The following IRAG1 variants were observed in gnomAD, a reference collection of about 807,000 sequenced individuals.
IRAG1 encodes inositol 1,4,5-triphosphate receptor associated 1, also known as IP3R-associated cGMP kinase substrate.
In IRAG1, 62 loss-of-function variants were observed where a neutral mutation model predicts 106.2. The ratio of observed to expected loss-of-function variants is 0.58; its 90% CI spans 0.48 to 0.72. The LOEUF is 0.72. Ranked by LOEUF, IRAG1 falls within the 30% of genes least tolerant of loss-of-function variation. IRAG1 has a pLI of 0.00. For synonymous variants in IRAG1, 462 were observed against 443.9 expected (o/e 1.04, Z -0.51); for missense variants, 1,064 against 1,140.7 (o/e 0.93, Z 0.97).
chr11:10,580,912 T>C (rs1851322517), intron 19 of IRAG1, among the ~76,000 whole-genome samples: 1 of 152,216 alleles, frequency 6.6e-6, no homozygotes, highest in African/African-American at 2.4e-5. Context: ...TTGTTCTCCA[T>C]GTGACCGTGG....
At chr11:10,645,738 G>A (rs1857887511) in intron 2 of IRAG1, among the ~76,000 whole-genome samples, 1 of 152,194 alleles carries the variant, frequency 6.6e-6, no homozygotes, top group Non-Finnish European at 1.5e-5. Flanking sequence ...AGTAATTAAA[G>A]TCAAGCTGCC....
rs1295870064 is a variant in IRAG1, at chr11:10,580,562, T to G, written c.2388A>C (p.Lys796Asn). 3 of 1,613,848 alleles carry G rather than the reference T, an allele frequency of 1.9e-6. No homozygotes were observed. The African/African-American group carries it at 4.0e-5, about 22-fold the overall frequency. The change falls in exon 20 of 21, where the codon AAA becomes AAC. Residue 796 changes from lysine to asparagine, a missense_variant. Coordinates refer to ENST00000423302, the MANE Select transcript of IRAG1 (RefSeq NM_130385.4). ...KGFQEGLKKT[K>N]ELQDLKEEEE... ...CCTCCTCCTTCAGGTCTTGAAGTTC[T>G]TTGGTCTTCTTTAGACCTTCTTGGA...
At chr11:10,677,531 C>T (rs930000210) in intron 1 of IRAG1, among the ~76,000 whole-genome samples, 1 of 152,146 alleles carries the variant, frequency 6.6e-6, no homozygotes, top group African/African-American at 2.4e-5. Context: ...CGTCCCCTCC[C>T]CTCAACCATA....
At chr11:10,586,403 A>G (rs1043425607) in intron 18 of IRAG1, among the ~76,000 whole-genome samples, 8 of 151,028 alleles carry the variant, frequency 5.3e-5, no homozygotes, top group Non-Finnish European at 7.4e-5. Flanking sequence ...CCTCTGGTTA[A>G]AGTTGATCTC....
intron 20 of IRAG1, among the ~76,000 whole-genome samples, chr11:10,579,601 A>G (rs561823354): frequency 2.3e-5 from 2 of 87,976 alleles, no homozygotes; most frequent in Non-Finnish European, 4.6e-5. Flanking sequence ...CATGGTTATT[A>G]TATCTGTGGG....
chr11:10,688,148 G>A (rs544263698), intron 1 of IRAG1, among the ~76,000 whole-genome samples: 11 of 151,862 alleles, frequency 7.2e-5, no homozygotes, highest in Admixed American at 3.9e-4. Flanking sequence ...ATTTTGGTAA[G>A]GGATACTGAA....
At chr11:10,687,642 C>A in intron 1 of IRAG1, 1 of 1,257,466 alleles carries the variant, frequency 8.0e-7, no homozygotes. Flanking sequence ...AAAGACTTCA[C>A]CAGACACAGA....
In IRAG1 at chr11:10,604,461, T is replaced by TCTCA; in HGVS notation, c.1686_1687insTGAG (p.Asn563Ter). The TCTCA allele has an allele frequency of 6.2e-7, 1 of 1,614,084 alleles. No individual in the cohort carries two copies. Among genetic ancestry groups the TCTCA allele is most frequent in the Non-Finnish European group, 8.5e-7 (1 of 1,179,904 alleles). ...TTCTCAGTGTTCTCCTCTGTCAGGT[T>TCTCA]GCGTTCCCTTTCAGCCTGGTTAATT... is the stretch of plus-strand genomic sequence containing the variant. On this transcript the variant is annotated stop_gained and frameshift_variant, in exon 13 of 21. Transcript: ENST00000423302. LOFTEE classifies it high-confidence loss of function.
chr11:10,681,952 G>A (rs1367205184), intron 1 of IRAG1, among the ~76,000 whole-genome samples: 1 of 152,072 alleles, frequency 6.6e-6, no homozygotes, highest in African/African-American at 2.4e-5. Flanking sequence ...CTCCCGGCCT[G>A]AAAAACTCCA....
chr11:10,591,706 G>C (rs553050684), intron 17 of IRAG1, 94 bp from the exon 18 acceptor site: 4 of 1,143,924 alleles, frequency 3.5e-6, no homozygotes, highest in African/African-American at 3.1e-5. Flanking sequence ...GAGCGGGGCT[G>C]CTGCTTCTCC....
intron 5 of IRAG1, 45 bp downstream of exon 5, chr11:10,629,493 C>T: frequency 1.3e-6 from 2 of 1,589,122 alleles, no homozygotes; most frequent in South Asian, 2.3e-5. Context: ...CCCTCCCGAC[C>T]CTAGAGGGGC....
At chr11:10,587,559 A>T (rs1332960375) in intron 18 of IRAG1, among the ~76,000 whole-genome samples, 1 of 152,156 alleles carries the variant, frequency 6.6e-6, no homozygotes, top group Non-Finnish European at 1.5e-5. Flanking sequence ...ATCTTTAAGG[A>T]ATTTACCCTG....
At position 10,672,923 on chromosome 11, in the gene IRAG1, C is replaced by T. The variant is rs75773650; in HGVS notation, c.67+20613G>A. Among the ~76,000 whole-genome samples, 51 of 152,238 alleles carry T rather than the reference C, an allele frequency of 3.4e-4. No individual in the cohort carries two copies. In the East Asian group the frequency reaches 9.4e-3, roughly 28 times the overall value. ...CAAAACATGGAAATAAACTAAATGT[C>T]CATAAGGTAATTAATGGATGAATAA... On this transcript the variant is annotated intron_variant, in intron 1 of 20. Coordinates refer to ENST00000423302, the MANE Select transcript of IRAG1 (RefSeq NM_130385.4).
At chr11:10,650,593 T>C (rs929716910) in intron 2 of IRAG1, among the ~76,000 whole-genome samples, 8 of 152,312 alleles carry the variant, frequency 5.3e-5, no homozygotes, top group East Asian at 3.9e-4. Flanking sequence ...AAGAAAGTCA[T>C]GGCCTGAGGG....
intron 2 of IRAG1, among the ~76,000 whole-genome samples, chr11:10,650,616 C>T (rs1328161048): frequency 6.6e-6 from 1 of 152,194 alleles, no homozygotes; most frequent in Non-Finnish European, 1.5e-5. Context: ...TGGAAGCAGT[C>T]GCATTTGAAT....
chr11:10,690,460 G>C, intron 1 of IRAG1: 5 of 1,262,018 alleles, frequency 4.0e-6, no homozygotes, highest in Non-Finnish European at 5.1e-6. Context: ...GGCAGGGCTT[G>C]TCCAGGGTCA....
At chr11:10,661,922 C>T (rs961918973) in intron 1 of IRAG1, among the ~76,000 whole-genome samples, 10 of 152,166 alleles carry the variant, frequency 6.6e-5, no homozygotes, top group Non-Finnish European at 1.5e-4. Context: ...TTGCCCAGAA[C>T]TCAACCCAAC....
At chr11:10,616,728 T>C (rs1855462306) in intron 10 of IRAG1, among the ~76,000 whole-genome samples, 1 of 152,228 alleles carries the variant, frequency 6.6e-6, no homozygotes, top group African/African-American at 2.4e-5. Flanking sequence ...TCTAGTATAA[T>C]CTCCCTCTTT....
intron 3 of IRAG1, among the ~76,000 whole-genome samples, chr11:10,632,386 A>G (rs534030828): frequency 8.5e-5 from 13 of 152,158 alleles, no homozygotes; most frequent in African/African-American, 2.9e-4. Context: ...GGGTTTCACC[A>G]TGTCAGCCAG....
Sources: allele counts gnomAD v4.1 joint callset (sites outside exome capture counted in the v4.1 genomes callset), GRCh38; gene constraint gnomAD v4.1.1; transcripts MANE v1.5; gene names NCBI Gene and HGNC (gene_info 2026-07-23, HGNC 2026-07-21).